The following LIMK1 variants were observed in gnomAD, a reference collection of about 807,000 sequenced individuals.
LIMK1 encodes LIM motif-containing protein kinase.
LIMK1 carries 21 observed loss-of-function variants against 77.6 expected under a neutral mutation model. The ratio of observed to expected loss-of-function variants is 0.27; its 90% CI spans 0.19 to 0.39. The LOEUF is 0.39. Ranked by LOEUF, LIMK1 falls within the 10% of genes least tolerant of loss-of-function variation. LIMK1 has a pLI of 1.00. For synonymous variants in LIMK1, 358 were observed against 370.0 expected, an observed-to-expected ratio of 0.97 and a Z score of 0.37; for missense variants, 696 against 901.6, an observed-to-expected ratio of 0.77 and a Z score of 2.92.
Position 74,121,801 on chromosome 7 carries a change from GT to G in LIMK1, c.*504del. 1 of 155,250 alleles carries G rather than the reference GT, an allele frequency of 6.4e-6. No homozygotes were observed. Among genetic ancestry groups the G allele is most frequent in the Non-Finnish European group, 1.4e-5 (1 of 70,218 alleles). 9.6% of individuals were successfully genotyped at this position (155,250 alleles called of 1,614,324 possible). ...GAACCAAATGGGGAGTCTGGGGCCC[GT>G]TTTCCCCCCAGGGGGTGTCTAGGTA... On this transcript the variant is annotated 3_prime_UTR_variant, in exon 16 of 16. Transcript: ENST00000336180.
chr7:74,119,595 A>G (rs1259151429), intron 13 of LIMK1, among the ~76,000 whole-genome samples: 1 of 151,966 alleles, frequency 6.6e-6, no homozygotes, highest in Non-Finnish European at 1.5e-5. Context: ...ATAAATTGTT[A>G]GAAACTTGAT....
chr7:74,105,126 G>A (rs1554697137), intron 5 of LIMK1, among the ~76,000 whole-genome samples: 1 of 152,092 alleles, frequency 6.6e-6, no homozygotes, highest in Non-Finnish European at 1.5e-5. Context: ...GCTAATTTTT[G>A]TATTTTCAGT....
chr7:74,103,427 G>A (rs530383780), intron 5 of LIMK1, among the ~76,000 whole-genome samples: 3 of 152,224 alleles, frequency 2.0e-5, no homozygotes, highest in East Asian at 3.9e-4. Context: ...CTCTTAGGGA[G>A]ACAGGCTCTG....
chr7:74,099,327 G>C, intron 5 of LIMK1, 89 bp downstream of exon 5: 1 of 1,297,342 alleles, frequency 7.7e-7, no homozygotes, highest in Non-Finnish European at 1.1e-6. Flanking sequence ...CCCTGAAAAT[G>C]AATGGGCGAG....
chr7:74,088,801 CAAAAAAAAAAA>C (rs145728454), intron 2 of LIMK1, among the ~76,000 whole-genome samples: 1 of 67,084 alleles, frequency 1.5e-5, no homozygotes, highest in Admixed American at 1.7e-4. Context: ...GACTCCATCT[CAAAAAAAAAAA>C]AAAAAAAAAA....
At chr7:74,115,270 A>G (rs1032758097) in intron 12 of LIMK1, 3 of 155,392 alleles carry the variant, frequency 1.9e-5, no homozygotes, top group Admixed American at 6.2e-5. Flanking sequence ...TAAAAATACA[A>G]AAATTAGCCA....
At position 74,099,213 on chromosome 7, in the gene LIMK1, C is replaced by T. The variant is rs1430502129; in HGVS notation, c.583C>T (p.His195Tyr). The T allele has an allele frequency of 1.2e-6, 2 of 1,607,702 alleles. No homozygotes were observed. Among genetic ancestry groups the T allele is most frequent in the Non-Finnish European group, 8.5e-7 (1 of 1,179,996 alleles). ...PHGPPGCGTE[H>Y]SHTVRVQGVD... ...CGGCCCACCGGGCTGTGGCACCGAG[C>T]ACTCACACACCGTCCGCGTCCAGGG... Residue 195 changes from histidine (H) to tyrosine (Y), a missense_variant, in exon 5 of 16, where the codon CAC (histidine) becomes TAC (tyrosine). Around this residue, in one of 3 missense-constraint regions of LIMK1, gnomAD observed 252 missense variants for 279.4 expected, o/e 0.90. Coordinates refer to ENST00000336180, the MANE Select transcript of LIMK1 (RefSeq NM_002314.4).
intron 12 of LIMK1, among the ~76,000 whole-genome samples, chr7:74,115,206 T>C (rs1014156077): frequency 3.3e-5 from 5 of 152,090 alleles, no homozygotes; most frequent in African/African-American, 4.8e-5. Context: ...GTGGATCACC[T>C]GAGATCAGGA....
chr7:74,119,472 C>T (rs1279197130), intron 13 of LIMK1, among the ~76,000 whole-genome samples: 1 of 151,262 alleles, frequency 6.6e-6, no homozygotes, highest in Non-Finnish European at 1.5e-5. Context: ...AACCACTGTG[C>T]CCGGCCATGT....
At chr7:74,116,913 G>A (rs940932115) in intron 13 of LIMK1, among the ~76,000 whole-genome samples, 3 of 151,164 alleles carry the variant, frequency 2.0e-5, no homozygotes, top group Non-Finnish European at 2.9e-5. Flanking sequence ...ACAGAGTCTC[G>A]CTGTGTCTCC....
In LIMK1 at chr7:74,118,377, AACACACACACACACACACACAC is replaced by A. The variant is rs57707215; in HGVS notation, c.1568-2178_1568-2157del. On this transcript the variant is annotated intron_variant, in intron 13 of 15. Coordinates refer to ENST00000336180, the MANE Select transcript of LIMK1 (RefSeq NM_002314.4). The stretch of plus-strand genomic sequence containing the variant: ...GACGACAGAGTGGGACTCTGTGTCA[AACACACACACACACACACACAC>A]ACACACACACACACACACACACACA... Among the ~76,000 whole-genome samples the A allele has an allele frequency of 8.9e-4, 116 of 130,130 alleles. 1 individual carries two copies. Among genetic ancestry groups the A allele is most frequent in the South Asian group, 1.0e-3 (4 of 3,838 alleles). 85.4% of individuals were successfully genotyped at this position (130,130 alleles called of 152,430 possible). A position where few individuals can be genotyped will look rare whatever the true frequency, so the allele number is the denominator to read the frequency against.
At chr7:74,086,501 A>C (rs890284043) in intron 2 of LIMK1, among the ~76,000 whole-genome samples, 4 of 152,152 alleles carry the variant, frequency 2.6e-5, no homozygotes, top group African/African-American at 4.8e-5. Context: ...CTGGGATTAT[A>C]GGTATACACC....
At chr7:74,120,260 C>G (rs1554700313) in intron 13 of LIMK1, among the ~76,000 whole-genome samples, 1 of 152,224 alleles carries the variant, frequency 6.6e-6, no homozygotes, top group African/African-American at 2.4e-5. Context: ...GTAACATTCA[C>G]AGATTCCAGA....
At position 74,083,975 on chromosome 7, in the gene LIMK1, G is replaced by A. The variant is rs1799080035; in HGVS notation, c.-16G>A. On this transcript the variant is annotated 5_prime_UTR_variant, in exon 1 of 16. Transcript: ENST00000336180. ...CCCAGCCCCAGCCCCGCCGGGCCCC[G>A]CCCCCCGTCGAGTGCATGAGGTTGA... The A allele has an allele frequency of 5.6e-6, 7 of 1,249,276 alleles. No individual in the cohort carries two copies. The South Asian group carries it at 9.9e-5, about 18-fold the overall frequency. 77.4% of individuals were successfully genotyped at this position (1,249,276 alleles called of 1,614,324 possible).
intron 7 of LIMK1, 54 bp downstream of exon 7, chr7:74,106,297 CAG>C: frequency 6.5e-7 from 1 of 1,547,232 alleles, no homozygotes; most frequent in Admixed American, 2.0e-5. Context: ...TGCTGGGGCT[CAG>C]GGGCTGTGGG....
In LIMK1 at chr7:74,099,179, C is replaced by A. The variant is rs150491142; in HGVS notation, c.549C>A (p.Asp183Glu). The change falls in exon 5 of 16, where the codon GAC becomes GAA. Residue 183 changes from aspartate to glutamate, a missense_variant. Coordinates refer to ENST00000336180, the MANE Select transcript of LIMK1 (RefSeq NM_002314.4). ...AGCGTGGACTTTCAGTCTCCATTGA[C>A]CCCCCGCACGGCCCACCGGGCTGTG... ...HGKRGLSVSI[D>E]PPHGPPGCGT... The A allele has an allele frequency of 1.2e-6, 2 of 1,611,986 alleles. No homozygotes were observed.
chr7:74,097,064 C>T lies in LIMK1; in HGVS notation c.292-16C>T, dbSNP rs782034600. 1.9e-6 allele frequency: 3 copies of T among 1,591,930 alleles called. No homozygotes were observed. Among genetic ancestry groups the T allele is most frequent in the Non-Finnish European group, 2.6e-6 (3 of 1,163,136 alleles). ...GTCTGCTGAGCTGGGCTGTTCCCTC[C>T]TCACCCCCGCACCAGGTGGCTGGGG... On this transcript the variant is annotated splice_polypyrimidine_tract_variant and intron_variant, in intron 3 of 15. Coordinates refer to ENST00000336180, the MANE Select transcript of LIMK1 (RefSeq NM_002314.4).
chr7:74,087,507 G>A (rs1799156099), intron 2 of LIMK1, among the ~76,000 whole-genome samples: 3 of 152,222 alleles, frequency 2.0e-5, no homozygotes, highest in South Asian at 4.1e-4. Flanking sequence ...TAAAAGGGTA[G>A]AAGGTGAAGC....
rs781945335 is a variant in LIMK1 at position 74,106,153 on chromosome 7, A to C, written c.791A>C (p.His264Pro). 1 of 1,613,928 alleles carries C rather than the reference A, an allele frequency of 6.2e-7. No homozygotes were observed. Among genetic ancestry groups the C allele is most frequent in the Non-Finnish European group, 8.5e-7 (1 of 1,180,038 alleles). ...LEHDPHDTLG[H>P]GLGPETSPLS... ...CATGACCCTCACGATACACTGGGCC[A>C]CGGGCTGGGGCCTGAGACCAGCCCC... The change falls in exon 7 of 16, where the codon CAC (histidine) becomes CCC (proline). Residue 264 changes from histidine to proline, a missense_variant. Coordinates refer to ENST00000336180, the MANE Select transcript of LIMK1 (RefSeq NM_002314.4).
Sources: gnomAD v4.1 joint callset for allele counts (sites outside exome capture counted in the v4.1 genomes callset) on GRCh38, gnomAD v4.1.1 for gene constraint, gnomAD v4.1.1 regional missense constraint, MANE v1.5 for transcripts, NCBI Gene and HGNC (gene_info 2026-07-23, HGNC 2026-07-21) for gene names.